The following SPAG16 variants were observed in gnomAD, a reference collection of about 807,000 sequenced individuals.
SPAG16 encodes the protein sperm-associated antigen 16 protein.
In SPAG16, 86 loss-of-function variants were observed where a neutral mutation model predicts 80.4. That is an observed-to-expected ratio of 1.07 (90% CI 0.90 to 1.28). The LOEUF (loss-of-function observed/expected upper bound fraction) is 1.28, where lower values mean the gene tolerates loss of function less well. Ranked by LOEUF, SPAG16 falls within the 50% of genes most tolerant of loss-of-function variation. The probability of loss-of-function intolerance (pLI) is 0.00; values close to 1 mark genes in which losing one functional copy is unlikely to be tolerated. For missense variants in SPAG16, 870 were observed against 765.3 expected (o/e 1.14, Z -1.61); for synonymous variants, 294 against 265.9 (o/e 1.11, Z -1.03).
chr2:214,398,517 C>A (rs1701526186), intron 15 of SPAG16, among the ~76,000 whole-genome samples: 1 of 152,152 alleles, frequency 6.6e-6, no homozygotes, highest in Non-Finnish European at 1.5e-5. Context: ...TAGCTTTCAG[C>A]AAAAGCCCAT....
chr2:213,672,945 G>T (rs530569418), intron 10 of SPAG16, among the ~76,000 whole-genome samples: 14 of 147,426 alleles, frequency 9.5e-5, no homozygotes, highest in African/African-American at 2.0e-4. Flanking sequence ...TGCAAGCTCC[G>T]CCTCCTGGGT....
At chr2:214,001,482 G>T (rs2046786084) in intron 12 of SPAG16, among the ~76,000 whole-genome samples, 1 of 152,158 alleles carries the variant, frequency 6.6e-6, no homozygotes. Context: ...GCACATGAAG[G>T]ATTGACTTTC....
At chr2:213,289,977 C>G (rs2062203913) in intron 1 of SPAG16, among the ~76,000 whole-genome samples, 1 of 152,180 alleles carries the variant, frequency 6.6e-6, no homozygotes, top group African/African-American at 2.4e-5. Flanking sequence ...TGTTATTTGT[C>G]TCCCCCTCAT....
intron 14 of SPAG16, among the ~76,000 whole-genome samples, chr2:214,138,863 C>T (rs959560741): frequency 1.3e-5 from 2 of 152,048 alleles, no homozygotes; most frequent in African/African-American, 4.8e-5. Context: ...ATGACTCCAT[C>T]CAGGGAGATG....
At chr2:213,581,789 T>G (rs912025707) in intron 10 of SPAG16, among the ~76,000 whole-genome samples, 1 of 152,172 alleles carries the variant, frequency 6.6e-6, no homozygotes, top group African/African-American at 2.4e-5. Flanking sequence ...CAGCTGAAGA[T>G]AGCTAATACC....
intron 15 of SPAG16, among the ~76,000 whole-genome samples, chr2:214,254,889 C>G (rs1417477131): frequency 6.6e-6 from 1 of 151,388 alleles, no homozygotes; most frequent in Admixed American, 6.6e-5. Context: ...ATTCTTTTAA[C>G]TGAAGGATGT....
intron 15 of SPAG16, among the ~76,000 whole-genome samples, chr2:214,159,913 T>A (rs2056370087): frequency 6.6e-6 from 1 of 152,020 alleles, no homozygotes; most frequent in Non-Finnish European, 1.5e-5. Flanking sequence ...CTCTTATATA[T>A]CTGTTGGTCT....
chr2:213,371,396 C>CAAA (rs1161878780), intron 8 of SPAG16, among the ~76,000 whole-genome samples: 4 of 47,216 alleles, frequency 8.5e-5, no homozygotes, highest in African/African-American at 2.6e-4. Flanking sequence ...GACCGTGTCT[C>CAAA]AAAAAAAAAA....
intron 14 of SPAG16, among the ~76,000 whole-genome samples, chr2:214,113,147 C>A (rs1402142852): frequency 6.6e-6 from 1 of 152,140 alleles, no homozygotes; most frequent in East Asian, 1.9e-4. Flanking sequence ...ATATTGTCCC[C>A]CACTCTCTTC....
At chr2:214,399,817 C>T (rs141507437) in intron 15 of SPAG16, among the ~76,000 whole-genome samples, 19 of 152,154 alleles carry the variant, frequency 1.2e-4, no homozygotes, top group East Asian at 5.8e-4. Flanking sequence ...GATGGCTTAT[C>T]GAATCCTCAG....
intron 7 of SPAG16, among the ~76,000 whole-genome samples, chr2:213,356,176 G>A (rs1305075024): frequency 1.3e-5 from 2 of 152,114 alleles, no homozygotes; most frequent in East Asian, 1.9e-4. Flanking sequence ...GATTTTCATC[G>A]ATGTTCATCA....
At chr2:213,874,230 C>T (rs2076057021) in intron 11 of SPAG16, among the ~76,000 whole-genome samples, 1 of 152,052 alleles carries the variant, frequency 6.6e-6, no homozygotes, top group Admixed American at 6.6e-5. Context: ...TTAGGCTATA[C>T]TGAATTTGTT....
At chr2:213,786,349 A>C (rs545382952) in intron 10 of SPAG16, among the ~76,000 whole-genome samples, 1 of 152,276 alleles carries the variant, frequency 6.6e-6, no homozygotes, top group South Asian at 2.1e-4. Context: ...TTTGACCTAA[A>C]GGCTGAACAT....
chr2:214,074,193 C>CT (rs1439074167), intron 13 of SPAG16, among the ~76,000 whole-genome samples: 14 of 152,142 alleles, frequency 9.2e-5, no homozygotes, highest in African/African-American at 3.4e-4. Flanking sequence ...TGCTAGCACT[C>CT]TGATCTTAGA....
chr2:214,405,478 T>C (rs1701944520), intron 15 of SPAG16, among the ~76,000 whole-genome samples: 2 of 152,166 alleles, frequency 1.3e-5, no homozygotes, highest in South Asian at 4.1e-4. Context: ...CAAGACTTTT[T>C]GAGTAATAAA....
rs542326290 is a variant in SPAG16 at position 214,316,829 on chromosome 2, T to C, written c.1721-93311T>C. On this transcript the variant is annotated intron_variant, in intron 15 of 15. Transcript: ENST00000331683. ...AAGCAGCTGATATACTGCCCCCATC[T>C]TGGCCATTCTCACGGATTCTATAAT... is the stretch of plus-strand genomic sequence containing the variant. Among the ~76,000 whole-genome samples, 5 of 152,298 alleles carry C rather than the reference T, an allele frequency of 3.3e-5. 1 individual carries two copies. Among genetic ancestry groups the C allele is most frequent in the African/African-American group, 1.2e-4 (5 of 41,568 alleles).
chr2:213,633,053 T>C (rs1234227354), intron 10 of SPAG16, among the ~76,000 whole-genome samples: 1 of 152,182 alleles, frequency 6.6e-6, no homozygotes, highest in African/African-American at 2.4e-5. Flanking sequence ...GTATTAGTTC[T>C]TCTTTGAATG....
intron 11 of SPAG16, among the ~76,000 whole-genome samples, chr2:213,881,618 G>A (rs868428428): frequency 3.3e-5 from 5 of 152,254 alleles, no homozygotes; most frequent in African/African-American, 1.2e-4. Context: ...TCCACAAGGC[G>A]GCAGGAAGGA....
chr2:213,903,182 C>T (rs965529069), intron 11 of SPAG16, among the ~76,000 whole-genome samples: 4 of 152,100 alleles, frequency 2.6e-5, no homozygotes, highest in Admixed American at 2.0e-4. Flanking sequence ...AGGACGGTGG[C>T]CCTCCTCTCA....
Sources: gnomAD v4.1 joint callset for allele counts (sites outside exome capture counted in the v4.1 genomes callset) on GRCh38, gnomAD v4.1.1 for gene constraint, MANE v1.5 for transcripts, NCBI Gene and HGNC (gene_info 2026-07-23, HGNC 2026-07-21) for gene names.